The following DENND4C variants were observed in gnomAD, a reference collection of about 807,000 sequenced individuals.
The protein encoded by DENND4C is DENN domain containing 4C.
A neutral mutation model predicts 203.0 loss-of-function variants in DENND4C; 108 were observed. That is an observed-to-expected ratio of 0.53 (90% CI 0.46 to 0.62). The LOEUF (loss-of-function observed/expected upper bound fraction) is 0.62, where lower values mean the gene tolerates loss of function less well. Ranked by LOEUF, DENND4C falls within the 20% of genes least tolerant of loss-of-function variation. The probability of loss-of-function intolerance (pLI) is 0.00; values close to 1 mark genes in which losing one functional copy is unlikely to be tolerated. For synonymous variants in DENND4C, 871 were observed against 792.4 expected, an observed-to-expected ratio of 1.10 and a Z score of -1.67; for missense variants, 2,481 against 2,301.2, an observed-to-expected ratio of 1.08 and a Z score of -1.60.
At chr9:19,316,381 A>G (rs369243536) in intron 10 of DENND4C, 36 bp from the exon 11 acceptor site, 19 of 1,548,592 alleles carry the variant, frequency 1.2e-5, no homozygotes, top group African/African-American at 4.1e-5. Flanking sequence ...CAGATTATGA[A>G]TAACACATTT....
In DENND4C at chr9:19,305,511, A is replaced by G; in HGVS notation, c.1471A>G (p.Thr491Ala). ...AGATGTTGTTTGCATTGACTTGGAT[A>G]CGAACATGTTATATGTGTAAGTTGA... ...PQDVVCIDLD[T>A]NMLYVSDEKK... is the part of the protein sequence containing the mutation. The change falls in exon 10 of 33, where the codon ACG becomes GCG. Residue 491 changes from threonine (T) to alanine (A), a missense_variant. By Grantham distance (58) the Thr-to-Ala change is moderately conservative (BLOSUM62 0). Coordinates refer to ENST00000434457, the MANE Select transcript of DENND4C (RefSeq NM_001330640.2). 1 of 1,612,662 alleles carries G rather than the reference A, an allele frequency of 6.2e-7. No homozygotes were observed. Among genetic ancestry groups the G allele is most frequent in the Non-Finnish European group, 8.5e-7 (1 of 1,179,840 alleles).
At chr9:19,295,431 G>C (rs1197104587) in intron 5 of DENND4C, among the ~76,000 whole-genome samples, 2 of 152,088 alleles carry the variant, frequency 1.3e-5, no homozygotes, top group African/African-American at 4.8e-5. Flanking sequence ...CGTGAACCCA[G>C]GAGGTGGAGC....
intron 12 of DENND4C, among the ~76,000 whole-genome samples, chr9:19,319,335 T>TAC (rs1842408847): frequency 7.6e-4 from 5 of 6,586 alleles, no homozygotes; most frequent in African/African-American, 1.2e-3. Context: ...TACATATATA[T>TAC]ACACATATAT....
chr9:19,285,651 C>T lies in DENND4C; in HGVS notation c.306-1118C>T, dbSNP rs556758928. Among the ~76,000 whole-genome samples the T allele has an allele frequency of 2.0e-5, 3 of 148,644 alleles. 1 individual carries two copies. In the South Asian group the frequency reaches 6.4e-4, roughly 32 times the overall value. On this transcript the variant is annotated intron_variant, in intron 2 of 32. Coordinates refer to ENST00000434457, the MANE Select transcript of DENND4C (RefSeq NM_001330640.2). Reference sequence around the variant, plus strand: ...TCATATCTAAGAAGGCTTTGTCTAACCTAAGGTCACAAAGATTTATTTCTG... The same window carrying T: ...TCATATCTAAGAAGGCTTTGTCTAATCTAAGGTCACAAAGATTTATTTCTG...
chr9:19,299,230 T>A lies in DENND4C; in HGVS notation c.1109T>A (p.Leu370Gln), dbSNP rs1192055607. ...ATTTATCTTTTTTTTTTTTTTAAGC[T>A]GTCAGTCCATGATGCATTAATATTA... Reference protein sequence around the residue: ...SPQRPRILVQLSVHDALILSQ... With the variant: ...SPQRPRILVQQSVHDALILSQ... The change falls in exon 8 of 33, where the codon CTG becomes CAG. Residue 370 changes from leucine (L) to glutamine (Q), a missense_variant and splice_region_variant. Physicochemically the swap from Leu to Gln is moderately radical, Grantham distance 113. Transcript: ENST00000434457. 1 of 1,561,076 alleles carries A rather than the reference T, an allele frequency of 6.4e-7. No homozygotes were observed. The highest frequency in any genetic ancestry group is 1.4e-5 in the African/African-American group (1 of 71,444).
intron 23 of DENND4C, among the ~76,000 whole-genome samples, chr9:19,347,522 T>C (rs777525055): frequency 9.8e-5 from 15 of 152,354 alleles, no homozygotes; most frequent in African/African-American, 3.1e-4. Context: ...CTATCTGATA[T>C]GGAATGTTTG....
rs117475802 is a variant in DENND4C, at chr9:19,355,559, A to C, written c.4782-1413A>C. 6.6e-3 allele frequency among the ~76,000 whole-genome samples: 999 copies of C among 152,310 alleles called. 6 individuals carry two copies. The highest frequency in any genetic ancestry group is 0.01 in the Non-Finnish European group (711 of 68,032). The stretch of plus-strand genomic sequence containing the variant: ...AATAACCTATCCTTTGCTTACTGCT[A>C]TATGGTGTCACCTTTATCATATTTC... On this transcript the variant is annotated intron_variant, in intron 26 of 32. Coordinates refer to ENST00000434457, the MANE Select transcript of DENND4C (RefSeq NM_001330640.2).
intron 1 of DENND4C, among the ~76,000 whole-genome samples, chr9:19,243,611 A>G (rs1011116525): frequency 1.3e-5 from 2 of 152,146 alleles, no homozygotes; most frequent in African/African-American, 4.8e-5. Flanking sequence ...GGACTTAGGC[A>G]ATGTGTGACC....
Position 19,346,072 on chromosome 9 carries a change from A to G in DENND4C, c.3303A>G (p.Arg1101=), listed in dbSNP as rs1426925383. 1 of 1,614,214 alleles carries G rather than the reference A, an allele frequency of 6.2e-7. No individual in the cohort carries two copies. The highest frequency in any genetic ancestry group is 1.7e-5 in the Admixed American group (1 of 60,028). The stretch of plus-strand genomic sequence containing the variant: ...GTTGTAGTTTTAGTTCTGAAAGTCG[A>G]GCAGGAATGTTGCTTAAGAAGAGTA... ...ERSCSFSSES[R]AGMLLKKSSL... Residue 1101 remains arginine, a synonymous_variant, in exon 23 of 33, where the codon CGA becomes CGG. Transcript: ENST00000434457.
chr9:19,234,530 GTTTTTT>G (rs34232597), intron 1 of DENND4C, among the ~76,000 whole-genome samples: 4 of 104,450 alleles, frequency 3.8e-5, no homozygotes, highest in Admixed American at 1.2e-4. Context: ...GCACCTGGCT[GTTTTTT>G]TTTTTTTTTT....
In DENND4C at chr9:19,373,533, G is replaced by A. The variant is rs1829181150; in HGVS notation, c.*1360G>A. 6.6e-6 allele frequency: 1 copy of A among 152,588 alleles called. No individual in the cohort carries two copies. Among genetic ancestry groups the A allele is most frequent in the African/African-American group, 2.4e-5 (1 of 41,440 alleles). 9.5% of individuals were successfully genotyped at this position (152,588 alleles called of 1,614,324 possible). On this transcript the variant is annotated 3_prime_UTR_variant, in exon 33 of 33. Transcript: ENST00000434457. The stretch of plus-strand genomic sequence containing the variant: ...GATTTGTATGCTTGTGAGTAAAAAT[G>A]TGCATTTGTAAATACTGTGTTTTTA...
In DENND4C at chr9:19,358,102, A is replaced by C. The variant is rs764769068; in HGVS notation, c.5102A>C (p.Gln1701Pro). ...CCATTGCAGAATATTGACTTTACCC[A>C]GCGACCGTTTCATGGCATCTCAACA... ...GGPLQNIDFT[Q>P]RPFHGISTVS... Residue 1701 changes from glutamine (Q) to proline (P), a missense_variant, in exon 28 of 33, where the codon CAG (glutamine) becomes CCG (proline). Physicochemically the swap from Gln to Pro is moderately conservative, Grantham distance 76 (BLOSUM62 -1). This residue lies in a region of DENND4C where 2,289 missense variants were observed against 2,113.3 expected (regional missense o/e 1.08). Coordinates refer to ENST00000434457, the MANE Select transcript of DENND4C (RefSeq NM_001330640.2). The surrounding 1 kb of genome is among the most constrained non-coding windows in gnomAD (Gnocchi z 4.8). 1 of 1,613,952 alleles carries C rather than the reference A, an allele frequency of 6.2e-7. No individual in the cohort carries two copies. Among genetic ancestry groups the C allele is most frequent in the Middle Eastern group, 1.6e-4 (1 of 6,062 alleles).
At chr9:19,360,610 A>C (rs949060204) in intron 29 of DENND4C, 121 bp downstream of exon 29, 1 of 1,336,286 alleles carries the variant, frequency 7.5e-7, no homozygotes, top group African/African-American at 1.5e-5. Flanking sequence ...CTCACTTAAA[A>C]GTTTGGATAA....
intron 30 of DENND4C, among the ~76,000 whole-genome samples, chr9:19,369,269 T>TG (rs1589000890): frequency 6.6e-6 from 1 of 152,242 alleles, no homozygotes; most frequent in Non-Finnish European, 1.5e-5. Context: ...TTATGGCTGC[T>TG]GGAGTACAAG....
chr9:19,299,225 T>TTA lies in DENND4C; in HGVS notation c.1108-4_1108-3insTA. On this transcript the variant is annotated splice_region_variant and splice_polypyrimidine_tract_variant and intron_variant, in intron 7 of 32. Transcript: ENST00000434457. Reference sequence around the variant, plus strand: ...GGTTAATTTATCTTTTTTTTTTTTTTAAGCTGTCAGTCCATGATGCATTAA... The same window carrying TTA: ...GGTTAATTTATCTTTTTTTTTTTTTTTAAAGCTGTCAGTCCATGATGCATTAA... 6.4e-7 allele frequency: 1 copy of TTA among 1,550,974 alleles called. No individual in the cohort carries two copies. The highest frequency in any genetic ancestry group is 8.7e-7 in the Non-Finnish European group (1 of 1,152,466).
chr9:19,353,783 A>C (rs1824729940), intron 26 of DENND4C, among the ~76,000 whole-genome samples: 1 of 152,076 alleles, frequency 6.6e-6, no homozygotes. Context: ...AAAATACAAA[A>C]AAGGTTAGCC....
intron 16 of DENND4C, among the ~76,000 whole-genome samples, chr9:19,331,069 CAAAG>C (rs908684025): frequency 2.6e-5 from 4 of 151,780 alleles, no homozygotes; most frequent in South Asian, 2.1e-4. Context: ...AAAAAAATAA[CAAAG>C]AAAACACCAA....
At chr9:19,333,094 A>G (rs1225646762) in intron 17 of DENND4C, among the ~76,000 whole-genome samples, 1 of 151,936 alleles carries the variant, frequency 6.6e-6, no homozygotes, top group Non-Finnish European at 1.5e-5. Flanking sequence ...AGCTCACTGT[A>G]GCCTAGAACT....
At position 19,372,173 on chromosome 9, in the gene DENND4C, A is replaced by C; in HGVS notation, c.5877A>C (p.Ter1959TyrextTer5). ...CRKCFGAPLI[*>Y] ...AGTGTTTTGGAGCGCCTCTCATTTA[A>C]ATAGAGATTCACTAGAATGTTGACA... Residue 1959 changes from the stop codon to tyrosine (Y), a stop_lost, in exon 33 of 33, where the codon TAA becomes TAC. Transcript: ENST00000434457. The C allele has an allele frequency of 1.2e-6, 2 of 1,607,150 alleles. No homozygotes were observed. Among genetic ancestry groups the C allele is most frequent in the Non-Finnish European group, 1.7e-6 (2 of 1,177,552 alleles).
Sources: gnomAD v4.1 joint callset for allele counts (sites outside exome capture counted in the v4.1 genomes callset) on GRCh38, gnomAD v4.1.1 for gene constraint, gnomAD v4.1.1 regional missense constraint, Gnocchi (gnomAD v3.1) non-coding constraint, MANE v1.5 for transcripts, NCBI Gene and HGNC (gene_info 2026-07-23, HGNC 2026-07-21) for gene names.